Variants in PRLR observed in about 807,000 individuals in gnomAD.
PRLR encodes the protein prolactin receptor.
PRLR carries 13 observed loss-of-function variants against 40.2 expected under a neutral mutation model. That is an observed-to-expected ratio of 0.32 (90% CI 0.21 to 0.51). PRLR has a LOEUF of 0.51. Among genes scored for constraint, PRLR ranks in the 20% least tolerant of loss-of-function variants. The pLI, the probability that PRLR is intolerant of heterozygous loss-of-function variation, is 0.97. For missense variants in PRLR, 656 were observed against 747.3 expected (o/e 0.88, Z 1.42); for synonymous variants, 269 against 278.7 (o/e 0.97, Z 0.35).
At chr5:35,055,060 T>G (rs1276712423), downstream of PRLR, among the ~76,000 whole-genome samples, 2 of 152,210 alleles carry the variant, frequency 1.3e-5, no homozygotes, top group Non-Finnish European at 2.9e-5. Context: ...GTTATGTTTT[T>G]CTATATATGT....
At chr5:35,103,132 C>A (rs1772003657) in intron 2 of PRLR, among the ~76,000 whole-genome samples, 1 of 152,142 alleles carries the variant, frequency 6.6e-6, no homozygotes, top group Admixed American at 6.5e-5. Flanking sequence ...AACCTATTTA[C>A]CTTGCTTCCT....
intron 2 of PRLR, among the ~76,000 whole-genome samples, chr5:35,104,352 G>A (rs4703391): frequency 0.055 from 8,441 of 152,156 alleles, 559 homozygotes; most frequent in East Asian, 0.18. Flanking sequence ...CTGAGGTACC[G>A]GGTTCATCTC....
At chr5:35,180,126 G>A (rs920206936) in intron 1 of PRLR, among the ~76,000 whole-genome samples, 2 of 152,182 alleles carry the variant, frequency 1.3e-5, no homozygotes, top group African/African-American at 2.4e-5. Flanking sequence ...GTTCACAATA[G>A]CGTTTGCACT....
chr5:35,222,424 C>T (rs567991774), intron 1 of PRLR, among the ~76,000 whole-genome samples: 5 of 152,200 alleles, frequency 3.3e-5, no homozygotes, highest in Middle Eastern at 3.4e-3. Context: ...TCAGAACAGC[C>T]GTAAAGTGTG....
intron 1 of PRLR, among the ~76,000 whole-genome samples, chr5:35,136,762 G>T (rs1773870480): frequency 6.6e-6 from 1 of 152,088 alleles, no homozygotes; most frequent in Non-Finnish European, 1.5e-5. Flanking sequence ...TTTTACAGTG[G>T]TTCTCAAACT....
chr5:35,152,130 T>C (rs566542181), intron 1 of PRLR, among the ~76,000 whole-genome samples: 3 of 152,336 alleles, frequency 2.0e-5, no homozygotes, highest in South Asian at 4.1e-4. Flanking sequence ...GTTATACAGG[T>C]ATAATCCGCG....
intron 5 of PRLR, chr5:35,081,951 C>A: frequency 5.0e-6 from 1 of 199,500 alleles, no homozygotes; most frequent in Non-Finnish European, 1.1e-5. Context: ...GTGAATTAGG[C>A]TGCAGCAACA....
rs552755456 is a variant in PRLR at position 35,061,655 on chromosome 5, T to C, written c.*3434A>G. 2 of 152,338 alleles carry C rather than the reference T, an allele frequency of 1.3e-5. No individual in the cohort carries two copies. Among genetic ancestry groups the C allele is most frequent in the South Asian group, 4.1e-4 (2 of 4,832 alleles). The allele number at this position is 152,338 out of a possible 1,614,324, so 9.4% of individuals were successfully genotyped here. A position where few individuals can be genotyped will look rare whatever the true frequency, so the allele number is the denominator to read the frequency against. ...ATAACTTGTGCTTATACACATCTGT[T>C]AGAATGAATTGGAACATCTTGCTGT... On this transcript the variant is annotated 3_prime_UTR_variant, in exon 10 of 10. Coordinates refer to ENST00000618457, the MANE Select transcript of PRLR (RefSeq NM_000949.7).
At chr5:35,089,466 G>A in intron 3 of PRLR, 85 bp downstream of exon 3, 1 of 873,608 alleles carries the variant, frequency 1.1e-6, no homozygotes, top group Admixed American at 2.0e-5. Context: ...TTTCATAATG[G>A]CATTGCAAGA....
intron 1 of PRLR, among the ~76,000 whole-genome samples, chr5:35,211,640 A>G (rs770271531): frequency 6.6e-6 from 1 of 152,218 alleles, no homozygotes; most frequent in Non-Finnish European, 1.5e-5. Flanking sequence ...AGTTAACTTA[A>G]GATACTTGCT....
intron 5 of PRLR, among the ~76,000 whole-genome samples, chr5:35,073,453 A>C (rs1453424615): frequency 2.0e-5 from 3 of 152,212 alleles, no homozygotes; most frequent in Admixed American, 1.3e-4. Flanking sequence ...ACTACATGCC[A>C]GGGACTGTAT....
chr5:35,147,974 C>T (rs1351535077), intron 1 of PRLR, among the ~76,000 whole-genome samples: 1 of 151,756 alleles, frequency 6.6e-6, no homozygotes, highest in Non-Finnish European at 1.5e-5. Flanking sequence ...CTCAGGAGGA[C>T]AATATATAAA....
chr5:35,068,568 C>A (rs893982833), intron 8 of PRLR, among the ~76,000 whole-genome samples: 1 of 152,134 alleles, frequency 6.6e-6, no homozygotes, highest in Non-Finnish European at 1.5e-5. Flanking sequence ...AACTAGGAAT[C>A]TCTGTTTCAT....
chr5:35,200,490 T>C (rs1775851114), intron 1 of PRLR, among the ~76,000 whole-genome samples: 1 of 152,198 alleles, frequency 6.6e-6, no homozygotes, highest in African/African-American at 2.4e-5. Context: ...ATATTCTTCG[T>C]GAAGGGCACT....
chr5:35,091,573 A>G (rs985894676), intron 2 of PRLR, among the ~76,000 whole-genome samples: 30 of 152,174 alleles, frequency 2.0e-4, no homozygotes, highest in Admixed American at 5.9e-4. Flanking sequence ...TGACTTGTGG[A>G]AAGTCTGTGA....
chr5:35,210,622 C>G (rs574713364), intron 1 of PRLR, among the ~76,000 whole-genome samples: 2 of 152,132 alleles, frequency 1.3e-5, no homozygotes, highest in African/African-American at 4.8e-5. Context: ...AAATTATATC[C>G]AAGATTTTCT....
chr5:35,143,854 T>G (rs1176497993), intron 1 of PRLR, among the ~76,000 whole-genome samples: 2 of 152,286 alleles, frequency 1.3e-5, no homozygotes, highest in East Asian at 3.9e-4. Context: ...AAACAGATTT[T>G]CTTTCTAAAA....
At chr5:35,221,394 T>A (rs1776415651) in intron 1 of PRLR, among the ~76,000 whole-genome samples, 1 of 152,248 alleles carries the variant, frequency 6.6e-6, no homozygotes, top group Non-Finnish European at 1.5e-5. Flanking sequence ...ATTTTAGTGA[T>A]GAGGCTACTG....
downstream of PRLR, chr5:35,055,613 G>A (rs1247009417): frequency 6.6e-6 from 1 of 151,884 alleles, no homozygotes; most frequent in Non-Finnish European, 1.5e-5. Flanking sequence ...AATAAATTTT[G>A]TTGTGGCAAA....
Sources: allele counts gnomAD v4.1 joint callset (sites outside exome capture counted in the v4.1 genomes callset), GRCh38; gene constraint gnomAD v4.1.1; transcripts MANE v1.5; gene names NCBI Gene and HGNC (gene_info 2026-07-23, HGNC 2026-07-21).